SPOCK1: variants seen among roughly 807,000 people sequenced by gnomAD.
SPOCK1 encodes testican-1.
Under a neutral mutation model 55.3 loss-of-function variants are expected in SPOCK1, and 23 were observed. The ratio of observed to expected loss-of-function variants is 0.42; its 90% CI spans 0.30 to 0.59. The LOEUF is 0.59. SPOCK1 is among the 20% of genes least tolerant of loss of function. SPOCK1 has a pLI of 0.22. For synonymous variants in SPOCK1, 226 were observed against 221.0 expected (o/e 1.02, Z -0.20); for missense variants, 499 against 552.5 (o/e 0.90, Z 0.97).
intron 2 of SPOCK1, among the ~76,000 whole-genome samples, chr5:137,407,046 A>G (rs149541242): frequency 2.0e-5 from 3 of 152,330 alleles, no homozygotes; most frequent in African/African-American, 7.2e-5. Context: ...AACCACTGTG[A>G]GGCATTAACA....
chr5:136,978,834 C>G lies in SPOCK1; in HGVS notation c.1140G>C (p.Gln380His). Residue 380 changes from glutamine (Q) to histidine (H), a missense_variant, in exon 11 of 11, where the codon CAG (glutamine) becomes CAC (histidine). Coordinates refer to ENST00000394945, the MANE Select transcript of SPOCK1 (RefSeq NM_004598.4). ...KQGAVSCEEE[Q>H]ETSGDFGSGG... is the part of the protein sequence containing the mutation. ...CACTGCCAAAATCCCCTGAGGTTTC[C>G]TGCTCCTCTTCTGAAAGATTAAAAA... 1 of 1,609,972 alleles carries G rather than the reference C, an allele frequency of 6.2e-7. No individual in the cohort carries two copies.
intron 4 of SPOCK1, among the ~76,000 whole-genome samples, chr5:137,137,566 GT>G (rs1180790693): frequency 6.6e-6 from 1 of 152,336 alleles, no homozygotes; most frequent in East Asian, 1.9e-4. Context: ...TGATAAAGGA[GT>G]GGGCACACCA....
intron 4 of SPOCK1, among the ~76,000 whole-genome samples, chr5:137,118,620 A>T (rs2051836): frequency 0.9 from 136,236 of 152,130 alleles, 61,052 homozygotes; most frequent in African/African-American, 0.93. Flanking sequence ...GAGTAATTTT[A>T]TTTTAGCAAT....
intron 5 of SPOCK1, among the ~76,000 whole-genome samples, chr5:137,080,777 G>C (rs1238936964): frequency 2.6e-5 from 4 of 152,208 alleles, no homozygotes; most frequent in Non-Finnish European, 4.4e-5. Flanking sequence ...GGTGAAATGA[G>C]TGAAGAAAAC....
intron 5 of SPOCK1, among the ~76,000 whole-genome samples, chr5:137,071,096 C>T (rs895847691): frequency 6.6e-6 from 1 of 150,566 alleles, no homozygotes. Context: ...AATCATAGCT[C>T]ACTGCAGTCT....
chr5:137,288,859 G>A (rs1757314321), intron 2 of SPOCK1, among the ~76,000 whole-genome samples: 1 of 152,222 alleles, frequency 6.6e-6, no homozygotes, highest in South Asian at 2.1e-4. Flanking sequence ...TTATTTCTGT[G>A]ATGGAGAACT....
chr5:137,058,933 G>A (rs182157597), intron 6 of SPOCK1, among the ~76,000 whole-genome samples: 12 of 152,240 alleles, frequency 7.9e-5, no homozygotes, highest in Admixed American at 4.6e-4. Flanking sequence ...ACGTAACAGA[G>A]GACCAGAGCA....
chr5:137,266,188 C>A (rs923240775), intron 3 of SPOCK1, among the ~76,000 whole-genome samples: 1 of 152,166 alleles, frequency 6.6e-6, no homozygotes, highest in Non-Finnish European at 1.5e-5. Flanking sequence ...ATGATCACAT[C>A]GAATACTCAC....
chr5:137,269,620 G>A (rs1354059730), intron 2 of SPOCK1, among the ~76,000 whole-genome samples: 1 of 152,210 alleles, frequency 6.6e-6, no homozygotes, highest in Non-Finnish European at 1.5e-5. Context: ...TCCACACACG[G>A]TGAGTATAAG....
chr5:136,986,764 C>T (rs887345811), intron 8 of SPOCK1, among the ~76,000 whole-genome samples: 1 of 151,984 alleles, frequency 6.6e-6, no homozygotes, highest in Non-Finnish European at 1.5e-5. Context: ...ATTGTTAGAA[C>T]AAAATTTCAA....
intron 3 of SPOCK1, among the ~76,000 whole-genome samples, chr5:137,263,618 G>A (rs1041331342): frequency 3.3e-5 from 5 of 152,188 alleles, no homozygotes; most frequent in Admixed American, 3.3e-4. Flanking sequence ...TCTGCACAGT[G>A]TCTTTCTTTG....
chr5:137,249,595 A>C (rs914435308), intron 3 of SPOCK1, among the ~76,000 whole-genome samples: 1 of 152,232 alleles, frequency 6.6e-6, no homozygotes, highest in Non-Finnish European at 1.5e-5. Context: ...GAATTATTAG[A>C]GATAAAAAGC....
At chr5:137,184,167 T>C (rs1755021664) in intron 3 of SPOCK1, among the ~76,000 whole-genome samples, 2 of 152,176 alleles carry the variant, frequency 1.3e-5, no homozygotes, top group African/African-American at 4.8e-5. Context: ...CCATGTAAAG[T>C]AGGCTTTTGC....
At chr5:137,451,161 C>T (rs567177229) in intron 2 of SPOCK1, among the ~76,000 whole-genome samples, 2 of 152,298 alleles carry the variant, frequency 1.3e-5, no homozygotes, top group East Asian at 3.9e-4. Context: ...TCACCTCTCC[C>T]TCCTTGATCC....
At chr5:137,269,881 A>G (rs1756927774) in intron 2 of SPOCK1, among the ~76,000 whole-genome samples, 1 of 152,180 alleles carries the variant, frequency 6.6e-6, no homozygotes, top group Admixed American at 6.5e-5. Flanking sequence ...GCATTTCACC[A>G]GGGCCTAAGA....
intron 2 of SPOCK1, among the ~76,000 whole-genome samples, chr5:137,298,425 T>G (rs1309059011): frequency 1.3e-5 from 2 of 152,256 alleles, no homozygotes; most frequent in African/African-American, 4.8e-5. Context: ...ATGGTTTCTC[T>G]TGGCAAATGT....
chr5:137,163,647 T>C (rs762824066), intron 3 of SPOCK1, among the ~76,000 whole-genome samples: 9 of 152,350 alleles, frequency 5.9e-5, no homozygotes, highest in Non-Finnish European at 1.3e-4. Flanking sequence ...AAACTTGGGT[T>C]TGATGACATA....
At chr5:137,102,981 G>T (rs1029301179) in intron 5 of SPOCK1, among the ~76,000 whole-genome samples, 31 of 151,916 alleles carry the variant, frequency 2.0e-4, no homozygotes, top group Non-Finnish European at 4.0e-4. Context: ...CTGCTTTTTG[G>T]GTTTTTTTTG....
At chr5:137,340,128 G>T (rs1414827209) in intron 2 of SPOCK1, among the ~76,000 whole-genome samples, 2 of 152,070 alleles carry the variant, frequency 1.3e-5, no homozygotes, top group African/African-American at 4.8e-5. Context: ...CACCAGAAAA[G>T]GTAGACAGTT....
Sources: gnomAD v4.1 joint callset for allele counts (sites outside exome capture counted in the v4.1 genomes callset) on GRCh38, gnomAD v4.1.1 for gene constraint, MANE v1.5 for transcripts, NCBI Gene and HGNC (gene_info 2026-07-23, HGNC 2026-07-21) for gene names.